The following CTTNBP2 variants were observed in gnomAD, a reference collection of about 807,000 sequenced individuals.
The protein encoded by CTTNBP2 is cortactin-binding protein 2.
Under a neutral mutation model 156.9 loss-of-function variants are expected in CTTNBP2, and 108 were observed. That is an observed-to-expected ratio of 0.69 (90% CI 0.59 to 0.81). CTTNBP2 has a LOEUF of 0.81. Ranked by LOEUF, CTTNBP2 falls within the 30% of genes least tolerant of loss-of-function variation. The pLI is 0.00. For missense variants in CTTNBP2, 1,924 were observed against 2,035.4 expected, an observed-to-expected ratio of 0.95 and a Z score of 1.05; for synonymous variants, 767 against 751.8, an observed-to-expected ratio of 1.02 and a Z score of -0.33.
chr7:117,821,162 C>A (rs1563041745), intron 2 of CTTNBP2, among the ~76,000 whole-genome samples: 2 of 152,032 alleles, frequency 1.3e-5, no homozygotes, highest in African/African-American at 4.8e-5. Context: ...TTTACATAAG[C>A]AATATCTGTG....
chr7:117,824,935 A>G (rs1801190247), intron 2 of CTTNBP2, among the ~76,000 whole-genome samples: 1 of 152,188 alleles, frequency 6.6e-6, no homozygotes, highest in Non-Finnish European at 1.5e-5. Context: ...AAGATCTCTC[A>G]TGGGCCTTAT....
At position 117,798,477 on chromosome 7, in the gene CTTNBP2, A is replaced by T. The variant is rs115356075; in HGVS notation, c.415-5696T>A. On this transcript the variant is annotated intron_variant, in intron 3 of 22. Coordinates refer to ENST00000160373, the MANE Select transcript of CTTNBP2 (RefSeq NM_033427.3). ...TCAAAAATAAAACAATATATTGCTAAATAGTAAAGAGGATTAAGAGGAAAT... is the reference window on the plus strand; with the variant it reads ...TCAAAAATAAAACAATATATTGCTATATAGTAAAGAGGATTAAGAGGAAAT... Among the ~76,000 whole-genome samples the T allele has an allele frequency of 4.9e-3, 751 of 152,240 alleles. 7 individuals carry two copies. The highest frequency in any genetic ancestry group is 0.017 in the African/African-American group (702 of 41,572).
intron 2 of CTTNBP2, among the ~76,000 whole-genome samples, chr7:117,815,859 T>A (rs184472631): frequency 9.2e-5 from 14 of 152,332 alleles, no homozygotes; most frequent in Non-Finnish European, 1.3e-4. Flanking sequence ...TGGGGCTCAC[T>A]GGCCTATATC....
chr7:117,781,934 A>G (rs1798457996), intron 6 of CTTNBP2, among the ~76,000 whole-genome samples: 1 of 152,358 alleles, frequency 6.6e-6, no homozygotes, highest in Admixed American at 6.5e-5. Context: ...CAAGAGTAAC[A>G]GCAAAATCAG....
intron 2 of CTTNBP2, among the ~76,000 whole-genome samples, chr7:117,831,660 C>T (rs1032446297): frequency 1.4e-5 from 2 of 143,710 alleles, no homozygotes; most frequent in South Asian, 2.3e-4. Flanking sequence ...CAAGACTTGA[C>T]AGTTTCAATG....
Position 117,791,589 on chromosome 7 carries a change from C to T in CTTNBP2, c.1607G>A (p.Arg536Gln), listed in dbSNP as rs772434465. The T allele has an allele frequency of 1.2e-6, 2 of 1,613,984 alleles. No individual in the cohort carries two copies. Among genetic ancestry groups the T allele is most frequent in the Non-Finnish European group, 1.7e-6 (2 of 1,180,018 alleles). ...AGGAGGAGGATTTCCTCTGTCAACT[C>T]GTGCTACACCATGAGTCTTTAAACT... is the stretch of plus-strand genomic sequence containing the variant. ...RTSLKTHGVA[R>Q]VDRGNPPPIP... Residue 536 changes from arginine to glutamine, a missense_variant, in exon 4 of 23, where the codon CGA becomes CAA. Transcript: ENST00000160373.
At chr7:117,867,642 A>C (rs142881056) in intron 1 of CTTNBP2, among the ~76,000 whole-genome samples, 1 of 152,304 alleles carries the variant, frequency 6.6e-6, no homozygotes, top group East Asian at 1.9e-4. Context: ...CATCTTACTA[A>C]GATACAATGT....
At position 117,792,116 on chromosome 7, in the gene CTTNBP2, AGCCT is replaced by A; in HGVS notation, c.1076_1079del (p.Gln359LeufsTer6). On this transcript the variant is annotated frameshift_variant, in exon 4 of 23. Transcript: ENST00000160373. LOFTEE classifies it high-confidence loss of function. This position sits in a 1 kb window ranked among gnomAD's most constrained non-coding sequence, Gnocchi z 4.2. The stretch of plus-strand genomic sequence containing the variant: ...AAGCGCCAATCAAGTCACCATAGGA[AGCCT>A]GCCTGTCAATACCTGGTCTGGCCAT... 1 of 1,614,114 alleles carries A rather than the reference AGCCT, an allele frequency of 6.2e-7. No individual in the cohort carries two copies.
At chr7:117,712,696 G>A (rs924236465) in intron 22 of CTTNBP2, among the ~76,000 whole-genome samples, 1 of 152,182 alleles carries the variant, frequency 6.6e-6, no homozygotes, top group African/African-American at 2.4e-5. Flanking sequence ...AGTTGCGGCA[G>A]TTGCATTCTC....
At chr7:117,766,418 A>T (rs1797488211) in intron 9 of CTTNBP2, among the ~76,000 whole-genome samples, 1 of 152,226 alleles carries the variant, frequency 6.6e-6, no homozygotes, top group South Asian at 2.1e-4. Context: ...GAATGTATGT[A>T]TTAGGTTGAA....
intron 2 of CTTNBP2, among the ~76,000 whole-genome samples, chr7:117,816,684 G>A (rs551497738): frequency 3.7e-4 from 57 of 152,102 alleles, no homozygotes; most frequent in Non-Finnish European, 7.1e-4. Context: ...TCCTTCTAAC[G>A]TTCTTGTAAA....
chr7:117,758,307 G>A (rs559976349), intron 10 of CTTNBP2, among the ~76,000 whole-genome samples: 2 of 152,092 alleles, frequency 1.3e-5, no homozygotes, highest in African/African-American at 2.4e-5. Flanking sequence ...CTGTTTCAGG[G>A]TTCTTCCAAA....
intron 19 of CTTNBP2, 89 bp downstream of exon 19, chr7:117,724,458 G>A (rs1477931243): frequency 2.2e-5 from 24 of 1,103,492 alleles, no homozygotes; most frequent in Admixed American, 5.0e-5. Flanking sequence ...CAAATGCATC[G>A]TGATAAAAAT....
intron 2 of CTTNBP2, among the ~76,000 whole-genome samples, chr7:117,830,077 T>TA (rs1801509779): frequency 6.6e-6 from 1 of 152,220 alleles, no homozygotes; most frequent in African/African-American, 2.4e-5. Flanking sequence ...AAATGATTTT[T>TA]AAAAATCAAT....
intron 2 of CTTNBP2, among the ~76,000 whole-genome samples, chr7:117,844,361 A>G (rs1002640036): frequency 1.3e-5 from 2 of 152,180 alleles, no homozygotes; most frequent in Admixed American, 6.5e-5. Context: ...GGGTAAGTGG[A>G]GATGGGGTGA....
intron 3 of CTTNBP2, among the ~76,000 whole-genome samples, chr7:117,796,232 G>A (rs955187792): frequency 9.2e-5 from 14 of 152,078 alleles, no homozygotes; most frequent in Admixed American, 3.3e-4. Context: ...GACTCACTCC[G>A]TCAGTTATTA....
At chr7:117,789,087 C>T (rs1798855570) in intron 4 of CTTNBP2, among the ~76,000 whole-genome samples, 1 of 151,898 alleles carries the variant, frequency 6.6e-6, no homozygotes, top group Non-Finnish European at 1.5e-5. Context: ...TTACTGAATC[C>T]TAGGGCAGGA....
At chr7:117,715,960 A>G (rs1379388278) in intron 22 of CTTNBP2, 2 of 152,296 alleles carry the variant, frequency 1.3e-5, no homozygotes, top group East Asian at 3.9e-4. Context: ...AGGTTTCAGA[A>G]GGCTGCCAAC....
Position 117,777,533 on chromosome 7 carries a change from A to T in CTTNBP2, c.2756T>A (p.Ile919Asn). Residue 919 changes from isoleucine to asparagine, a missense_variant, in exon 8 of 23, where the codon ATT becomes AAT. Physicochemically the swap from Ile to Asn is moderately radical, Grantham distance 149. Coordinates refer to ENST00000160373, the MANE Select transcript of CTTNBP2 (RefSeq NM_033427.3). ...CACCTTAAAACCTTTGGAAGCAGCA[A>T]TGTGGGCAGCAGTCCAGCCTTCTCT... The part of the protein sequence containing the change: ...ANREGWTAAH[I>N]AASKGFKNCL... The T allele has an allele frequency of 6.2e-7, 1 of 1,613,432 alleles. No homozygotes were observed. The highest frequency in any genetic ancestry group is 1.1e-5 in the South Asian group (1 of 91,050).
Sources: allele counts gnomAD v4.1 joint callset (sites outside exome capture counted in the v4.1 genomes callset), GRCh38; gene constraint gnomAD v4.1.1; non-coding constraint Gnocchi (gnomAD v3.1); transcripts MANE v1.5; gene names NCBI Gene and HGNC (gene_info 2026-07-23, HGNC 2026-07-21).